The following CYP2C18 variants were observed in gnomAD, a reference collection of about 807,000 sequenced individuals.
CYP2C18 encodes the protein cytochrome P450 family 2 subfamily C member 18.
Under a neutral mutation model 41.3 loss-of-function variants are expected in CYP2C18, and 38 were observed. The ratio of observed to expected loss-of-function variants is 0.92; its 90% confidence interval spans 0.71 to 1.21. CYP2C18 has a LOEUF of 1.21. Ranked by LOEUF, CYP2C18 falls within the 50% of genes most tolerant of loss-of-function variation. The pLI, the probability that CYP2C18 is intolerant of heterozygous loss-of-function variation, is 0.00. For missense variants in CYP2C18, 635 were observed against 591.4 expected, an observed-to-expected ratio of 1.07 and a Z score of -0.77; for synonymous variants, 236 against 210.0, an observed-to-expected ratio of 1.12 and a Z score of -1.07.
rs1383894064 is a variant in CYP2C18 at position 94,735,521 on chromosome 10, C to T, written c.*77C>T. 2 of 1,407,950 alleles carry T rather than the reference C, an allele frequency of 1.4e-6. No homozygotes were observed. Among genetic ancestry groups the T allele is most frequent in the Admixed American group, 1.8e-5 (1 of 56,840 alleles). The allele number at this position is 1,407,950 out of a possible 1,614,324, so 87.2% of individuals were successfully genotyped here. On this transcript the variant is annotated 3_prime_UTR_variant, in exon 9 of 9. Transcript: ENST00000285979. The stretch of plus-strand genomic sequence containing the variant: ...TATCAGGGCCATTGGCCTCTCCCTT[C>T]TCTCTGTGAGGGATATTTTCTCTGA...
At chr10:94,704,103 T>A (rs1847293823) in intron 4 of CYP2C18, among the ~76,000 whole-genome samples, 1 of 152,070 alleles carries the variant, frequency 6.6e-6, no homozygotes, top group South Asian at 2.1e-4. Flanking sequence ...GGCACCTCAG[T>A]TGGAAATGCA....
chr10:94,731,299 G>C (rs911401650), intron 7 of CYP2C18, among the ~76,000 whole-genome samples: 7 of 151,940 alleles, frequency 4.6e-5, no homozygotes, highest in Non-Finnish European at 1.0e-4. Context: ...AGAATGGCGT[G>C]AACCCGGAAG....
intron 7 of CYP2C18, chr10:94,728,608 C>G (rs766560727): frequency 1.0e-6 from 1 of 973,550 alleles, no homozygotes; most frequent in Non-Finnish European, 1.2e-6. Flanking sequence ...CTAAAAGAAA[C>G]ATATAGCATT....
chr10:94,706,634 A>G (rs2296682), intron 4 of CYP2C18, 150 bp from the exon 5 acceptor site: 8,314 of 507,832 alleles, frequency 0.016, 327 homozygotes, highest in East Asian at 0.092. Context: ...CTATCAGTAT[A>G]GAGGACTACT....
At chr10:94,701,700 G>T (rs1316022477) in intron 4 of CYP2C18, among the ~76,000 whole-genome samples, 2 of 152,174 alleles carry the variant, frequency 1.3e-5, no homozygotes, top group Non-Finnish European at 2.9e-5. Flanking sequence ...AGTTTCCCAT[G>T]ATTGGGAAGG....
chr10:94,712,293 T>C (rs1847452309), intron 5 of CYP2C18, among the ~76,000 whole-genome samples: 1 of 151,850 alleles, frequency 6.6e-6, no homozygotes, highest in Non-Finnish European at 1.5e-5. Flanking sequence ...AGAGATCAGA[T>C]TTACTCCTCC....
Position 94,721,004 on chromosome 10 carries a change from C to CTCTT in CYP2C18, c.961+485_961+488dup, listed in dbSNP as rs750904086. Among the ~76,000 whole-genome samples the CTCTT allele has an allele frequency of 2.3e-4, 35 of 151,950 alleles. No homozygotes were observed. In the Middle Eastern group the frequency reaches 0.021, roughly 90 times the overall value. ...CAGACCACTTTGAGTAATAGATATG[C>CTCTT]TCTTTCTTTCTTTCTTTCTTTTTTT... On this transcript the variant is annotated intron_variant, in intron 6 of 8. Transcript: ENST00000285979.
intron 5 of CYP2C18, among the ~76,000 whole-genome samples, chr10:94,717,235 T>C (rs1264601710): frequency 6.6e-6 from 1 of 152,204 alleles, no homozygotes; most frequent in Non-Finnish European, 1.5e-5. Context: ...TGATGTTAGC[T>C]GGTTATTTTG....
At chr10:94,716,595 T>A (rs564451285) in intron 5 of CYP2C18, among the ~76,000 whole-genome samples, 2 of 152,340 alleles carry the variant, frequency 1.3e-5, no homozygotes, top group East Asian at 3.9e-4. Context: ...AGTGCTTTAA[T>A]TCCAACTATG....
chr10:94,705,775 A>G (rs1403463689), intron 4 of CYP2C18, among the ~76,000 whole-genome samples: 2 of 152,204 alleles, frequency 1.3e-5, no homozygotes, highest in Non-Finnish European at 2.9e-5. Context: ...GCATTGTGGC[A>G]TTAACATCTG....
At chr10:94,723,191 A>G (rs533859834) in intron 6 of CYP2C18, among the ~76,000 whole-genome samples, 2 of 152,190 alleles carry the variant, frequency 1.3e-5, no homozygotes, top group South Asian at 4.1e-4. Flanking sequence ...CTTTGTGTTT[A>G]TTTTCTTAGA....
In CYP2C18 at chr10:94,694,962, A is replaced by G. The variant is rs139238143; in HGVS notation, c.527A>G (p.Asn176Ser). 6.1e-5 allele frequency: 98 copies of G among 1,613,206 alleles called. 1 individual carries two copies. In the South Asian group the frequency reaches 7.1e-4, roughly 12 times the overall value. Residue 176 changes from asparagine (N) to serine (S), a missense_variant, in exon 4 of 9, where the codon AAT becomes AGT. Transcript: ENST00000285979. Reference sequence around the variant, plus strand: ...TTCATCCTGGGCTGTGCTCCCTGCAATGTGATCTGCTCTGTTATTTTCCAT... The same window carrying G: ...TTCATCCTGGGCTGTGCTCCCTGCAGTGTGATCTGCTCTGTTATTTTCCAT... ...PTFILGCAPC[N>S]VICSVIFHDR... is the part of the protein sequence containing the mutation.
chr10:94,707,808 C>T (rs796353138), intron 5 of CYP2C18, among the ~76,000 whole-genome samples: 1 of 152,078 alleles, frequency 6.6e-6, no homozygotes, highest in Non-Finnish European at 1.5e-5. Context: ...AGATAGGAGC[C>T]AAATGATAGG....
intron 4 of CYP2C18, among the ~76,000 whole-genome samples, chr10:94,697,852 T>A (rs1247861891): frequency 1.3e-5 from 2 of 152,070 alleles, no homozygotes; most frequent in African/African-American, 4.8e-5. Flanking sequence ...TAAAACAGAC[T>A]TTAAACCAAC....
chr10:94,687,853 G>T lies in CYP2C18; in HGVS notation c.252G>T (p.Lys84Asn), dbSNP rs1483710952. The change falls in exon 2 of 9, where the codon AAG becomes AAT. Residue 84 changes from lysine to asparagine, a missense_variant. By Grantham distance (94) the Lys-to-Asn change is moderately conservative. Transcript: ENST00000285979. ...IVVLHGYEAV[K>N]EALIDHGEEF... is the part of the protein sequence containing the mutation. ...TGTTGCATGGATATGAAGCAGTGAA[G>T]GAGGCCCTGATTGATCATGGAGAGG... 1.2e-5 allele frequency: 19 copies of T among 1,613,872 alleles called. No homozygotes were observed. The highest frequency in any genetic ancestry group is 1.5e-5 in the Non-Finnish European group (18 of 1,179,802).
chr10:94,712,912 T>G (rs916193035), intron 5 of CYP2C18, among the ~76,000 whole-genome samples: 206 of 152,300 alleles, frequency 1.4e-3, no homozygotes, highest in Non-Finnish European at 7.1e-4. Context: ...CATTGTGTTT[T>G]TAATTTGTAA....
At chr10:94,712,374 C>T (rs1847454519) in intron 5 of CYP2C18, among the ~76,000 whole-genome samples, 1 of 151,604 alleles carries the variant, frequency 6.6e-6, no homozygotes, top group African/African-American at 2.4e-5. Context: ...CTCTGGCAAT[C>T]AGCATTCTAC....
chr10:94,733,149 T>A (rs1262388444), intron 7 of CYP2C18, 148 bp from the exon 8 acceptor site: 4 of 708,486 alleles, frequency 5.6e-6, no homozygotes, highest in Non-Finnish European at 9.2e-6. Context: ...TACTGCTTCT[T>A]ACTAGGTCTG....
intron 3 of CYP2C18, 52 bp from the exon 4 acceptor site, chr10:94,694,865 G>A (rs1434199297): frequency 7.7e-6 from 12 of 1,564,718 alleles, no homozygotes; most frequent in Admixed American, 5.5e-5. Flanking sequence ...CAAAGACAAA[G>A]TATTTTATAT....
Sources: gnomAD v4.1 joint callset for allele counts (sites outside exome capture counted in the v4.1 genomes callset) on GRCh38, gnomAD v4.1.1 for gene constraint, MANE v1.5 for transcripts, NCBI Gene and HGNC (gene_info 2026-07-23, HGNC 2026-07-21) for gene names.